Variants in CEP152 observed in about 807,000 individuals in gnomAD.
The protein encoded by CEP152 is centrosomal protein of 152 kDa.
CEP152 carries 132 observed loss-of-function variants against 188.9 expected under a neutral mutation model. That is an observed-to-expected ratio of 0.70 (90% CI 0.61 to 0.81). The LOEUF (loss-of-function observed/expected upper bound fraction) is 0.81, where lower values mean the gene tolerates loss of function less well. CEP152 is among the 30% of genes least tolerant of loss of function. The pLI is 0.00. For missense variants in CEP152, 1,914 were observed against 1,969.8 expected (o/e 0.97, Z 0.54); for synonymous variants, 649 against 666.6 (o/e 0.97, Z 0.41).
chr15:48,742,617 C>T (rs1239219292), intron 24 of CEP152, among the ~76,000 whole-genome samples: 2 of 152,090 alleles, frequency 1.3e-5, no homozygotes, highest in African/African-American at 4.8e-5. Context: ...TTCAGCAGCA[C>T]TTTTTGAGCA....
At chr15:48,777,610 T>C (rs1283917566) in intron 12 of CEP152, among the ~76,000 whole-genome samples, 1 of 151,926 alleles carries the variant, frequency 6.6e-6, no homozygotes, top group African/African-American at 2.4e-5. Flanking sequence ...ATGTAATATA[T>C]ATATATATTT....
intron 22 of CEP152, among the ~76,000 whole-genome samples, chr15:48,747,441 G>T (rs1893529571): frequency 6.6e-6 from 1 of 152,118 alleles, no homozygotes; most frequent in Admixed American, 6.6e-5. Flanking sequence ...GAAGGTATCT[G>T]ACAAGTGACC....
intron 8 of CEP152, among the ~76,000 whole-genome samples, chr15:48,789,888 G>C (rs145565991): frequency 7.9e-5 from 12 of 152,328 alleles, no homozygotes; most frequent in African/African-American, 2.9e-4. Flanking sequence ...CTGACCTCCA[G>C]AACTGTGAGA....
intron 20 of CEP152, 86 bp from the exon 21 acceptor site, chr15:48,752,555 G>C (rs1388980731): frequency 2.0e-6 from 3 of 1,530,204 alleles, no homozygotes; most frequent in African/African-American, 1.4e-5. Flanking sequence ...AAAATACAAA[G>C]AGAAAACACT....
rs8037266 is a variant in CEP152, at chr15:48,767,506, C to T, written c.2019-43G>A. 1.9e-3 allele frequency: 3,072 copies of T among 1,613,454 alleles called. 66 individuals carry two copies. In the African/African-American group the frequency reaches 0.036, roughly 19 times the overall value. On this transcript the variant is annotated intron_variant, in intron 15 of 26. Coordinates refer to ENST00000380950, the MANE Select transcript of CEP152 (RefSeq NM_001194998.2). ...TCAAAGGCAATGCCCAGTCTCACTACGAACACCAAAATGAATTGGTTTCCT... is the reference window on the plus strand; with the variant it reads ...TCAAAGGCAATGCCCAGTCTCACTATGAACACCAAAATGAATTGGTTTCCT...
rs929092894 is a variant in CEP152, at chr15:48,738,075, G to A, written c.*174C>T. On this transcript the variant is annotated 3_prime_UTR_variant, in exon 27 of 27. Coordinates refer to ENST00000380950, the MANE Select transcript of CEP152 (RefSeq NM_001194998.2). The stretch of plus-strand genomic sequence containing the variant: ...TTATACATACACCATCAGGCCTTTG[G>A]AATATTAAGGCAACATAAATATCTC... 6.9e-6 allele frequency: 5 copies of A among 723,236 alleles called. No individual in the cohort carries two copies. The highest frequency in any genetic ancestry group is 1.1e-5 in the Non-Finnish European group (5 of 457,432). 44.8% of individuals were successfully genotyped at this position (723,236 alleles called of 1,614,324 possible). A position where few individuals can be genotyped will look rare whatever the true frequency, so the allele number is the denominator to read the frequency against.
chr15:48,777,516 G>A (rs1257683067), intron 12 of CEP152, among the ~76,000 whole-genome samples: 2 of 150,214 alleles, frequency 1.3e-5, no homozygotes. Context: ...ATGGGTGTGC[G>A]AGACAGAGAA....
chr15:48,810,863 G>A, intron 1 of CEP152, 98 bp downstream of exon 1: 1 of 152,770 alleles, frequency 6.5e-6, no homozygotes, highest in Non-Finnish European at 1.5e-5. Context: ...TTTGGGGAGG[G>A]GGCAGGTCAG....
intron 2 of CEP152, among the ~76,000 whole-genome samples, chr15:48,804,513 CACAG>C (rs1192464546): frequency 4.6e-5 from 7 of 152,182 alleles, no homozygotes; most frequent in Non-Finnish European, 7.3e-5. Context: ...AGCCTTTTAT[CACAG>C]ACAATCAAGA....
intron 21 of CEP152, 22 bp from the exon 22 acceptor site, chr15:48,748,632 A>C: frequency 6.9e-7 from 1 of 1,459,516 alleles, no homozygotes; most frequent in Non-Finnish European, 9.0e-7. Context: ...AAATGACAGA[A>C]AACTTTTATA....
At position 48,768,219 on chromosome 15, in the gene CEP152, C is replaced by T. The variant is rs770890955; in HGVS notation, c.2018G>A (p.Arg673Lys). The change falls in exon 15 of 27, where the codon AGG becomes AAG. Residue 673 changes from arginine to lysine, a missense_variant and splice_region_variant. Arg to Lys is a conservative substitution (Grantham distance 26). Transcript: ENST00000380950. Reference sequence around the variant, plus strand: ...CGTCAGGCATCTATATAGACCTTACCTATCCACAGCTTCTTGTTTGTCATG... The same window carrying T: ...CGTCAGGCATCTATATAGACCTTACTTATCCACAGCTTCTTGTTTGTCATG... ...FDHDKQEAVDRCERTYQQHHE... is the reference protein window; with the variant it reads ...FDHDKQEAVDKCERTYQQHHE... The T allele has an allele frequency of 6.3e-7, 1 of 1,584,086 alleles. No individual in the cohort carries two copies. Among genetic ancestry groups the T allele is most frequent in the South Asian group, 1.1e-5 (1 of 90,518 alleles).
At chr15:48,778,616 C>T (rs72739865) in intron 12 of CEP152, among the ~76,000 whole-genome samples, 13,238 of 151,988 alleles carry the variant, frequency 0.087, 778 homozygotes, top group Middle Eastern at 0.14. Context: ...AATAATGATG[C>T]GGTGTCTCAG....
At position 48,740,899 on chromosome 15, in the gene CEP152, C is replaced by A. The variant is rs1892918489; in HGVS notation, c.4093+702G>T. ...GAAGAAGAAATAAAGAGAGGATTAA[C>A]CCCACCTGGTTGCTGTTGGTTTAGA... On this transcript the variant is annotated intron_variant, in intron 26 of 26. Transcript: ENST00000380950. 4 of 351,978 alleles carry A rather than the reference C, an allele frequency of 1.1e-5. No homozygotes were observed. In the South Asian group the frequency reaches 3.4e-4, roughly 30 times the overall value. 21.8% of individuals were successfully genotyped at this position (351,978 alleles called of 1,614,324 possible).
At chr15:48,789,696 A>G (rs967185899) in intron 8 of CEP152, among the ~76,000 whole-genome samples, 2 of 152,230 alleles carry the variant, frequency 1.3e-5, no homozygotes, top group African/African-American at 4.8e-5. Context: ...TCAGAACCAG[A>G]GAGACTCAAT....
In CEP152 at chr15:48,791,368, C is replaced by T. The variant is rs1156945421; in HGVS notation, c.841G>A (p.Asp281Asn). The T allele has an allele frequency of 6.2e-7, 1 of 1,611,782 alleles. No individual in the cohort carries two copies. The highest frequency in any genetic ancestry group is 8.5e-7 in the Non-Finnish European group (1 of 1,179,418). ...HQLVIIKDEK[D>N]GLTLSLRESQ... is the part of the protein sequence containing the mutation. ...TCTCGAAGGCTGAGAGTCAAACCAT[C>T]CTTTTCATCTACGGTATTAAAAATG... Residue 281 changes from aspartate to asparagine, a missense_variant, in exon 8 of 27, where the codon GAT (aspartate) becomes AAT (asparagine). Coordinates refer to ENST00000380950, the MANE Select transcript of CEP152 (RefSeq NM_001194998.2).
chr15:48,807,965 T>G (rs1898093571), intron 1 of CEP152, among the ~76,000 whole-genome samples: 1 of 152,090 alleles, frequency 6.6e-6, no homozygotes, highest in African/African-American at 2.4e-5. Flanking sequence ...TCAAAACATG[T>G]CATTAAAGAA....
chr15:48,797,868 C>T, intron 3 of CEP152, 80 bp downstream of exon 3: 1 of 1,473,600 alleles, frequency 6.8e-7, no homozygotes, highest in East Asian at 2.4e-5. Flanking sequence ...ATTTTATAAT[C>T]ATGTAATTAT....
chr15:48,765,966 A>G (rs765148424), intron 17 of CEP152, among the ~76,000 whole-genome samples: 5 of 151,386 alleles, frequency 3.3e-5, no homozygotes, highest in African/African-American at 4.9e-5. Flanking sequence ...ATTTTTATAC[A>G]TATAAAAGAA....
chr15:48,781,206 T>C lies in CEP152; in HGVS notation c.1567A>G (p.Lys523Glu), dbSNP rs773956441. 1 of 1,613,422 alleles carries C rather than the reference T, an allele frequency of 6.2e-7. No homozygotes were observed. The highest frequency in any genetic ancestry group is 8.5e-7 in the Non-Finnish European group (1 of 1,179,582). ...GIKKVNWKKS[K>E]VTSIVQEEDP... ...ATATTCTTTCCATACCTGGTAACTT[T>C]GGATTTTTTCCAGTTGACCTTTTTA... is the stretch of plus-strand genomic sequence containing the variant. The change falls in exon 12 of 27, where the codon AAA becomes GAA. Residue 523 changes from lysine to glutamate, a missense_variant. Transcript: ENST00000380950.
Sources: gnomAD v4.1 joint callset for allele counts (sites outside exome capture counted in the v4.1 genomes callset) on GRCh38, gnomAD v4.1.1 for gene constraint, MANE v1.5 for transcripts, NCBI Gene and HGNC (gene_info 2026-07-23, HGNC 2026-07-21) for gene names.